Variants in BTAF1 observed in about 807,000 individuals in gnomAD.
BTAF1 encodes the protein B-TFIID TATA-box binding protein associated factor 1.
A neutral mutation model predicts 227.1 loss-of-function variants in BTAF1; 38 were observed. The ratio of observed to expected loss-of-function variants is 0.17; its 90% CI spans 0.13 to 0.22. The LOEUF is 0.22. Among genes scored for constraint, BTAF1 ranks in the 10% least tolerant of loss-of-function variants. The pLI is 1.00. For synonymous variants in BTAF1, 742 were observed against 751.9 expected, an observed-to-expected ratio of 0.99 and a Z score of 0.21; for missense variants, 1,598 against 2,204.0, an observed-to-expected ratio of 0.73 and a Z score of 5.51.
In BTAF1 at chr10:91,923,844, G is replaced by A. The variant is rs1843644590; in HGVS notation, c.-233G>A. 1 of 455,188 alleles carries A rather than the reference G, an allele frequency of 2.2e-6. No individual in the cohort carries two copies. The highest frequency in any genetic ancestry group is 3.9e-6 in the Non-Finnish European group (1 of 257,700). The allele number at this position is 455,188 out of a possible 1,614,324, so 28.2% of individuals were successfully genotyped here. Reference sequence around the variant, plus strand: ...CCGGTTTGAAGTCGTGCGGGTCGGAGGACTGCCGCCTCCGCTACCGTCTTG... The same window carrying A: ...CCGGTTTGAAGTCGTGCGGGTCGGAAGACTGCCGCCTCCGCTACCGTCTTG... On this transcript the variant is annotated 5_prime_UTR_variant, in exon 1 of 38. Coordinates refer to ENST00000265990, the MANE Select transcript of BTAF1 (RefSeq NM_003972.3).
chr10:92,011,535 T>A, intron 30 of BTAF1, 120 bp downstream of exon 30: 2 of 380,758 alleles, frequency 5.3e-6, no homozygotes, highest in Non-Finnish European at 8.6e-6. Context: ...GTTGTTATAG[T>A]AATGATAATT....
chr10:91,961,713 A>G (rs1459563299), intron 11 of BTAF1, among the ~76,000 whole-genome samples: 1 of 152,178 alleles, frequency 6.6e-6, no homozygotes. Flanking sequence ...TTGAAATATT[A>G]TCCCTATTTC....
At chr10:92,014,594 GC>G (rs1850576144) in intron 32 of BTAF1, among the ~76,000 whole-genome samples, 1 of 152,140 alleles carries the variant, frequency 6.6e-6, no homozygotes, top group Non-Finnish European at 1.5e-5. Flanking sequence ...AAGGAAATAA[GC>G]CAATGTTTAT....
chr10:91,996,640 T>C (rs943440515), intron 24 of BTAF1, 70 bp downstream of exon 24: 1 of 1,490,642 alleles, frequency 6.7e-7, no homozygotes, highest in Non-Finnish European at 9.3e-7. Flanking sequence ...TAAAATGAAA[T>C]TGATGTGTTC....
intron 4 of BTAF1, among the ~76,000 whole-genome samples, chr10:91,948,689 T>A (rs1466563331): frequency 2.2e-5 from 3 of 137,580 alleles, no homozygotes; most frequent in Non-Finnish European, 3.2e-5. Flanking sequence ...CCCCAGAACT[T>A]CTTTTTTATT....
rs1851827661 is a variant in BTAF1, at chr10:92,030,537, T to G, written c.*1604T>G. Among the ~76,000 whole-genome samples, 1 of 152,178 alleles carries G rather than the reference T, an allele frequency of 6.6e-6. No homozygotes were observed. The highest frequency in any genetic ancestry group is 1.5e-5 in the Non-Finnish European group (1 of 67,990). ...AACATAGCTTATAGTAATTGATATT[T>G]TCTTAGAATAAGTACAGAGCAATAT... On this transcript the variant is annotated 3_prime_UTR_variant, in exon 38 of 38. Transcript: ENST00000265990.
At chr10:92,007,138 AAAG>A (rs1326370125) in intron 25 of BTAF1, among the ~76,000 whole-genome samples, 1 of 151,882 alleles carries the variant, frequency 6.6e-6, no homozygotes, top group Non-Finnish European at 1.5e-5. Flanking sequence ...GAATGTTAAA[AAAG>A]ACATGCATTA....
At chr10:91,995,252 C>T (rs1429776243) in intron 23 of BTAF1, among the ~76,000 whole-genome samples, 1 of 151,968 alleles carries the variant, frequency 6.6e-6, no homozygotes, top group East Asian at 1.9e-4. Context: ...GGTATTAGCC[C>T]AGTTCTCTAT....
intron 17 of BTAF1, 69 bp downstream of exon 17, chr10:91,982,294 C>T (rs1848119662): frequency 6.3e-7 from 1 of 1,599,476 alleles, no homozygotes; most frequent in Non-Finnish European, 8.6e-7. Context: ...ATTTAACCAA[C>T]AGAAGATTCC....
chr10:91,944,887 AT>A (rs896158144), intron 4 of BTAF1, among the ~76,000 whole-genome samples: 5 of 152,150 alleles, frequency 3.3e-5, no homozygotes, highest in African/African-American at 1.2e-4. Flanking sequence ...ATATTACTGT[AT>A]TTTTACTGTA....
chr10:92,026,225 C>G (rs922456895), intron 35 of BTAF1, among the ~76,000 whole-genome samples: 5 of 152,118 alleles, frequency 3.3e-5, no homozygotes, highest in Admixed American at 2.6e-4. Context: ...TCTGTCGTCC[C>G]TGAATGAAAG....
Position 91,989,338 on chromosome 10 carries a change from C to G in BTAF1, c.2612C>G (p.Pro871Arg). 3 of 1,613,880 alleles carry G rather than the reference C, an allele frequency of 1.9e-6. No individual in the cohort carries two copies. Among genetic ancestry groups the G allele is most frequent in the Non-Finnish European group, 2.5e-6 (3 of 1,179,998 alleles). Residue 871 changes from proline to arginine, a missense_variant, in exon 20 of 38, where the codon CCG becomes CGG. This residue lies in a region of BTAF1 where 425 missense variants were observed against 491.2 expected (regional missense o/e 0.87). Transcript: ENST00000265990. The stretch of plus-strand genomic sequence containing the variant: ...GCAGTTGTGAGCTTGCAGCAGCTTC[C>G]GGAGAAATTAAATCCTATCATAAAA... ...ACAVVSLQQLPEKLNPIIKPL... is the reference protein window; with the variant it reads ...ACAVVSLQQLREKLNPIIKPL...
chr10:91,966,540 G>A, intron 13 of BTAF1, 97 bp from the exon 14 acceptor site: 3 of 1,278,326 alleles, frequency 2.3e-6, no homozygotes, highest in South Asian at 2.8e-5. Flanking sequence ...AAGTCACATG[G>A]TGTCAGCATC....
chr10:91,994,482 T>C (rs1849005787), intron 22 of BTAF1, 53 bp from the exon 23 acceptor site: 2 of 1,388,576 alleles, frequency 1.4e-6, no homozygotes, highest in Non-Finnish European at 2.0e-6. Flanking sequence ...TTTTGTGTGC[T>C]CTAGATTTTG....
intron 35 of BTAF1, 109 bp downstream of exon 35, chr10:92,025,076 TA>T: frequency 5.6e-6 from 5 of 896,494 alleles, no homozygotes; most frequent in Non-Finnish European, 8.4e-6. Context: ...TGCATTTTTT[TA>T]ATTGTGTAAT....
At chr10:91,998,251 A>T (rs1849273072) in intron 25 of BTAF1, among the ~76,000 whole-genome samples, 2 of 152,210 alleles carry the variant, frequency 1.3e-5, no homozygotes, top group Admixed American at 6.5e-5. Context: ...TAGGCTTTTA[A>T]TTGGTACTTT....
At chr10:91,953,377 A>G (rs1845892090) in intron 5 of BTAF1, among the ~76,000 whole-genome samples, 1 of 152,164 alleles carries the variant, frequency 6.6e-6, no homozygotes, top group Non-Finnish European at 1.5e-5. Flanking sequence ...GGTGATGATC[A>G]GTTTCTTCTA....
chr10:92,014,121 C>G, intron 32 of BTAF1, 92 bp downstream of exon 32: 1 of 1,365,332 alleles, frequency 7.3e-7, no homozygotes, highest in Non-Finnish European at 9.9e-7. Flanking sequence ...AGGGGCTTAG[C>G]CTTTGGCTTT....
chr10:92,021,361 T>C (rs1263843925), intron 34 of BTAF1, among the ~76,000 whole-genome samples: 1 of 152,286 alleles, frequency 6.6e-6, no homozygotes, highest in East Asian at 1.9e-4. Flanking sequence ...AAATATTTTA[T>C]ATGAGGCAAA....
Sources: allele counts gnomAD v4.1 joint callset (sites outside exome capture counted in the v4.1 genomes callset), GRCh38; gene constraint gnomAD v4.1.1; regional missense constraint gnomAD v4.1.1; transcripts MANE v1.5; gene names NCBI Gene and HGNC (gene_info 2026-07-23, HGNC 2026-07-21).